Variants in TBL1X observed in about 807,000 individuals in gnomAD.
TBL1X encodes F-box-like/WD repeat-containing protein TBL1X.
A neutral mutation model predicts 50.7 loss-of-function variants in TBL1X; 10 were observed. The ratio of observed to expected loss-of-function variants is 0.20; its 90% confidence interval spans 0.12 to 0.33. TBL1X has a LOEUF of 0.33. Among genes scored for constraint, TBL1X ranks in the 10% least tolerant of loss-of-function variants. The probability of loss-of-function intolerance (pLI) is 1.00; values close to 1 mark genes in which losing one functional copy is unlikely to be tolerated. For synonymous variants in TBL1X, 190 were observed against 214.7 expected (o/e 0.88, Z 1.01); for missense variants, 340 against 504.4 (o/e 0.67, Z 3.12).
At chrX:9,590,466 G>T (rs907964882) in intron 2 of TBL1X, among the ~76,000 whole-genome samples, 3 of 111,484 alleles carry the variant, frequency 2.7e-5, no homozygotes, top group Non-Finnish European at 5.6e-5. Flanking sequence ...GGTTGGTGTC[G>T]CCATAAGTTT....
intron 1 of TBL1X, among the ~76,000 whole-genome samples, chrX:9,494,933 C>T (rs1419194621): frequency 8.9e-6 from 1 of 111,874 alleles, no homozygotes; most frequent in African/African-American, 3.3e-5. Flanking sequence ...GCTTGCTTCT[C>T]GCCTTGGATA....
chrX:9,702,208 G>A (rs1443629793), intron 12 of TBL1X, among the ~76,000 whole-genome samples: 1 of 110,786 alleles, frequency 9.0e-6, no homozygotes, highest in Non-Finnish European at 1.9e-5. Flanking sequence ...GGCCAAGGTG[G>A]GAGAATCACT....
At chrX:9,570,935 C>T (rs1163528294) in intron 2 of TBL1X, among the ~76,000 whole-genome samples, 1 of 111,450 alleles carries the variant, frequency 9.0e-6, no homozygotes, top group African/African-American at 3.3e-5. Flanking sequence ...CCTCGGCCTC[C>T]CAAAGTGCTC....
chrX:9,660,850 A>G (rs780515591), intron 5 of TBL1X, among the ~76,000 whole-genome samples: 3 of 112,286 alleles, frequency 2.7e-5, no homozygotes, highest in Non-Finnish European at 5.6e-5. Flanking sequence ...TATGGTCCCA[A>G]TGTTTCTGTT....
At chrX:9,533,343 C>T (rs2082171910) in intron 2 of TBL1X, among the ~76,000 whole-genome samples, 3 of 111,645 alleles carry the variant, frequency 2.7e-5, no homozygotes, top group Non-Finnish European at 3.8e-5. Flanking sequence ...TTTCATCATA[C>T]ATTCTCTTCC....
At chrX:9,579,281 C>G (rs971008608) in intron 2 of TBL1X, among the ~76,000 whole-genome samples, 1 of 112,162 alleles carries the variant, frequency 8.9e-6, no homozygotes, top group Non-Finnish European at 1.9e-5. Flanking sequence ...CATTGGGAAA[C>G]CCTCTCAAAA....
chrX:9,664,266 T>C (rs992721533), intron 5 of TBL1X, among the ~76,000 whole-genome samples: 2 of 112,729 alleles, frequency 1.8e-5, no homozygotes, highest in African/African-American at 6.5e-5. Flanking sequence ...GTTTCTATTG[T>C]CTGCAAAGCT....
At chrX:9,485,382 G>A (rs754953537) in intron 1 of TBL1X, among the ~76,000 whole-genome samples, 2 of 112,337 alleles carry the variant, frequency 1.8e-5, no homozygotes, top group South Asian at 3.7e-4. Flanking sequence ...CATCAAGCTC[G>A]CATTTTTGTG....
rs142580194 is a variant in TBL1X, at chrX:9,519,112, C to T, written c.-131+17263C>T. Reference sequence around the variant, plus strand: ...GAGATAACACGTGAAGGAGATGCCGCGTGGTTTCTGTCTTGTCCATGGTAC... The same window carrying T: ...GAGATAACACGTGAAGGAGATGCCGTGTGGTTTCTGTCTTGTCCATGGTAC... On this transcript the variant is annotated intron_variant, in intron 2 of 17. Coordinates refer to ENST00000645353, the MANE Select transcript of TBL1X (RefSeq NM_005647.4). Among the ~76,000 whole-genome samples the T allele has an allele frequency of 3.1e-3, 343 of 111,935 alleles. 1 individual carries two copies. Among genetic ancestry groups the T allele is most frequent in the African/African-American group, 0.011 (329 of 30,760 alleles).
rs201790120 is a variant in TBL1X at position 9,641,438 on chromosome X, AAAAC to A, written c.-43+1091_-43+1094del. ...TTTCTCTAATGCCTTTTTAGTTAAA[AAAAC>A]AAACAAACAAACCTGTAGAACTTGG... On this transcript the variant is annotated intron_variant, in intron 3 of 17. Coordinates refer to ENST00000645353, the MANE Select transcript of TBL1X (RefSeq NM_005647.4). Among the ~76,000 whole-genome samples the A allele has an allele frequency of 5.0e-3, 561 of 112,573 alleles. 1 individual carries two copies. Among genetic ancestry groups the A allele is most frequent in the African/African-American group, 0.014 (440 of 31,002 alleles).
rs748890033 is a variant in TBL1X, at chrX:9,500,919, A to G, written c.-200-861A>G. On this transcript the variant is annotated intron_variant, in intron 1 of 17. Coordinates refer to ENST00000645353, the MANE Select transcript of TBL1X (RefSeq NM_005647.4). The stretch of plus-strand genomic sequence containing the variant: ...GGTTAAGGAGTGCTACTGTCATCTA[A>G]TGGATGGAGAGCAGGGATACTGCTG... Among the ~76,000 whole-genome samples, 353 of 112,060 alleles carry G rather than the reference A, an allele frequency of 3.2e-3. 1 individual carries two copies. Among genetic ancestry groups the G allele is most frequent in the Non-Finnish European group, 5.9e-3 (314 of 53,158 alleles).
rs182938763 is a variant in TBL1X at position 9,693,300 on chromosome X, A to G, written c.956-22A>G. The G allele has an allele frequency of 1.2e-5, 14 of 1,209,048 alleles. No homozygotes were observed. The Admixed American group carries it at 1.7e-4, about 15-fold the overall frequency. On this transcript the variant is annotated intron_variant, in intron 10 of 17. Coordinates refer to ENST00000645353, the MANE Select transcript of TBL1X (RefSeq NM_005647.4). ...TGAACAGACCATGACATTGAGGTCA[A>G]CATGTTTGTTTTTACTAACAGGTAA... is the stretch of plus-strand genomic sequence containing the variant.
intron 2 of TBL1X, among the ~76,000 whole-genome samples, chrX:9,584,542 T>C (rs1342892816): frequency 1.8e-5 from 2 of 111,812 alleles, no homozygotes; most frequent in African/African-American, 6.5e-5. Flanking sequence ...GACTTCCCTG[T>C]TGGGGAGAGG....
At chrX:9,566,658 C>G (rs1442376980) in intron 2 of TBL1X, among the ~76,000 whole-genome samples, 1 of 112,341 alleles carries the variant, frequency 8.9e-6, no homozygotes, top group Non-Finnish European at 1.9e-5. Context: ...GATGGTACAA[C>G]TTGAATTTCT....
intron 2 of TBL1X, among the ~76,000 whole-genome samples, chrX:9,627,392 A>T (rs2082697998): frequency 8.9e-6 from 1 of 112,173 alleles, no homozygotes; most frequent in Non-Finnish European, 1.9e-5. Flanking sequence ...AAACCCTGTG[A>T]TAACTCATTT....
intron 2 of TBL1X, among the ~76,000 whole-genome samples, chrX:9,585,019 C>G (rs1157605269): frequency 9.0e-6 from 1 of 111,409 alleles, no homozygotes; most frequent in Non-Finnish European, 1.9e-5. Flanking sequence ...TTAAAAAAAT[C>G]CAACTGCAAG....
rs191833449 is a variant in TBL1X at position 9,686,931 on chromosome X, T to C, written c.358-1086T>C. Reference sequence around the variant, plus strand: ...TGCAGCTAGTTCTTTACATAGGTTGTATTGTTTTCTTTATTTTGAATATTG... The same window carrying C: ...TGCAGCTAGTTCTTTACATAGGTTGCATTGTTTTCTTTATTTTGAATATTG... On this transcript the variant is annotated intron_variant, in intron 6 of 17. Coordinates refer to ENST00000645353, the MANE Select transcript of TBL1X (RefSeq NM_005647.4). 2.5e-3 allele frequency among the ~76,000 whole-genome samples: 280 copies of C among 112,567 alleles called. 2 individuals are homozygous for C. Among genetic ancestry groups the C allele is most frequent in the African/African-American group, 8.6e-3 (266 of 30,969 alleles).
At chrX:9,576,692 C>T (rs1220863704) in intron 2 of TBL1X, among the ~76,000 whole-genome samples, 118 of 78,843 alleles carry the variant, frequency 1.5e-3, no homozygotes, top group Non-Finnish European at 2.5e-3. Context: ...AAAAGCACTA[C>T]ATTAAAAAAA....
chrX:9,702,748 C>T (rs1258027072), intron 12 of TBL1X, among the ~76,000 whole-genome samples: 1 of 112,041 alleles, frequency 8.9e-6, no homozygotes, highest in Admixed American at 9.5e-5. Flanking sequence ...TCAGTGTTTA[C>T]AGCTACCTTG....
Sources: allele counts gnomAD v4.1 joint callset (sites outside exome capture counted in the v4.1 genomes callset), GRCh38; gene constraint gnomAD v4.1.1; transcripts MANE v1.5; gene names NCBI Gene and HGNC (gene_info 2026-07-23, HGNC 2026-07-21).